The following TRIP12 variants were observed in gnomAD, a reference collection of about 807,000 sequenced individuals.
TRIP12 encodes the protein thyroid hormone receptor interactor 12.
Under a neutral mutation model 244.2 loss-of-function variants are expected in TRIP12, and 25 were observed. The ratio of observed to expected loss-of-function variants is 0.10; its 90% CI spans 0.07 to 0.14. The LOEUF is 0.14. Among genes scored for constraint, TRIP12 ranks in the 10% least tolerant of loss-of-function variants. TRIP12 has a pLI of 1.00. For missense variants in TRIP12, 1,677 were observed against 2,486.4 expected, an observed-to-expected ratio of 0.67 and a Z score of 6.92; for synonymous variants, 905 against 873.1, an observed-to-expected ratio of 1.04 and a Z score of -0.64.
chr2:229,811,357 G>A (rs959827989), intron 13 of TRIP12, among the ~76,000 whole-genome samples, 153 bp from the exon 14 acceptor site: 2 of 151,742 alleles, frequency 1.3e-5, no homozygotes, highest in African/African-American at 2.4e-5. Flanking sequence ...CCTAAGCAAG[G>A]TACAGTCAGT....
intron 34 of TRIP12, among the ~76,000 whole-genome samples, chr2:229,781,844 G>C (rs949632961): frequency 8.5e-5 from 13 of 152,136 alleles, no homozygotes; most frequent in African/African-American, 3.1e-4. Flanking sequence ...TAGGGGTGGA[G>C]GTACTTTCCC....
intron 2 of TRIP12, among the ~76,000 whole-genome samples, chr2:229,871,500 A>C (rs1006851322): frequency 5.3e-5 from 8 of 152,048 alleles, no homozygotes; most frequent in African/African-American, 1.9e-4. Context: ...GGTTGTTTAC[A>C]AGTGTGTGCC....
intron 34 of TRIP12, among the ~76,000 whole-genome samples, chr2:229,784,079 C>T (rs1012343421): frequency 1.5e-4 from 22 of 143,626 alleles, no homozygotes; most frequent in African/African-American, 5.3e-4. Context: ...CATTGCACTC[C>T]AGCCTGGGCA....
intron 9 of TRIP12, among the ~76,000 whole-genome samples, chr2:229,818,045 C>T (rs1005714576): frequency 1.3e-5 from 2 of 151,960 alleles, no homozygotes; most frequent in Non-Finnish European, 2.9e-5. Context: ...CGTGGATCAC[C>T]AGGCTAAAAG....
Position 229,913,978 on chromosome 2 carries a change from G to A in TRIP12, c.-50+7902C>T, listed in dbSNP as rs552573184. Among the ~76,000 whole-genome samples the A allele has an allele frequency of 3.3e-5, 5 of 152,226 alleles. No individual in the cohort carries two copies. The South Asian group carries it at 8.3e-4, about 25-fold the overall frequency. On this transcript the variant is annotated intron_variant, in intron 1 of 41. Transcript: ENST00000675903. Reference sequence around the variant, plus strand: ...TAAGTGTAAGTATATATATTTCTAAGAGATACAGGCCAGGCGCGGTGGCTC... The same window carrying A: ...TAAGTGTAAGTATATATATTTCTAAAAGATACAGGCCAGGCGCGGTGGCTC...
intron 4 of TRIP12, among the ~76,000 whole-genome samples, chr2:229,846,436 A>G (rs1166634417): frequency 6.6e-6 from 1 of 152,214 alleles, no homozygotes. Flanking sequence ...TAGCAATAAA[A>G]TATTTTTAAC....
intron 4 of TRIP12, among the ~76,000 whole-genome samples, chr2:229,856,751 T>A (rs1576137313): frequency 6.6e-6 from 1 of 152,344 alleles, no homozygotes; most frequent in African/African-American, 2.4e-5. Flanking sequence ...GTAACTCCAA[T>A]TATCAATAAA....
At chr2:229,771,425 T>C (rs1317920688) in intron 39 of TRIP12, 94 bp downstream of exon 39, 6 of 1,072,462 alleles carry the variant, frequency 5.6e-6, no homozygotes, top group Non-Finnish European at 8.1e-6. Context: ...ATTTTTTTGT[T>C]TTTGTGCAAC....
intron 8 of TRIP12, among the ~76,000 whole-genome samples, chr2:229,828,878 A>G (rs893384661): frequency 5.9e-5 from 9 of 152,198 alleles, no homozygotes; most frequent in Non-Finnish European, 1.3e-4. Context: ...TTATCCTCTC[A>G]CCTTGACAAA....
At chr2:229,783,165 A>T (rs1001886546) in intron 34 of TRIP12, among the ~76,000 whole-genome samples, 2 of 152,238 alleles carry the variant, frequency 1.3e-5, no homozygotes, top group Admixed American at 6.5e-5. Context: ...ACTTGTATCA[A>T]TTTTAAGCGA....
intron 25 of TRIP12, among the ~76,000 whole-genome samples, chr2:229,795,850 A>G (rs760793823): frequency 2.6e-4 from 40 of 152,218 alleles, no homozygotes; most frequent in Non-Finnish European, 5.1e-4. Context: ...AATCTCCAAT[A>G]AATACTAACT....
intron 2 of TRIP12, among the ~76,000 whole-genome samples, chr2:229,869,822 A>G (rs2062213904): frequency 1.3e-5 from 2 of 152,350 alleles, no homozygotes; most frequent in South Asian, 4.1e-4. Flanking sequence ...ACACAACTTT[A>G]AAGAACTACT....
chr2:229,790,542 G>A (rs571379548), intron 30 of TRIP12, among the ~76,000 whole-genome samples: 4 of 86,462 alleles, frequency 4.6e-5, no homozygotes, highest in South Asian at 4.0e-4. Context: ...GCAGGGGGAG[G>A]GGGGGGTGTC....
At chr2:229,830,129 A>G (rs2052936450) in intron 7 of TRIP12, among the ~76,000 whole-genome samples, 1 of 152,216 alleles carries the variant, frequency 6.6e-6, no homozygotes. Context: ...CCATCCATAC[A>G]TAGTATTAGG....
At chr2:229,882,239 A>G (rs1035399917) in intron 1 of TRIP12, among the ~76,000 whole-genome samples, 2 of 152,242 alleles carry the variant, frequency 1.3e-5, no homozygotes, top group African/African-American at 2.4e-5. Context: ...TTATTACTAT[A>G]AACATTTATT....
intron 8 of TRIP12, among the ~76,000 whole-genome samples, chr2:229,821,219 G>A (rs2049971243): frequency 6.6e-6 from 1 of 152,146 alleles, no homozygotes; most frequent in African/African-American, 2.4e-5. Context: ...CTGCTTTGAT[G>A]CTTAAGATCC....
chr2:229,877,031 G>A (rs2063724122), intron 2 of TRIP12, among the ~76,000 whole-genome samples: 1 of 151,658 alleles, frequency 6.6e-6, no homozygotes, highest in Non-Finnish European at 1.5e-5. Context: ...TACTAGGTTG[G>A]TGCAAAAGTA....
In TRIP12 at chr2:229,810,992, C is replaced by T; in HGVS notation, c.2109G>A (p.Leu703=). Residue 703 remains leucine, a synonymous_variant, in exon 15 of 42, where the codon CTG becomes CTA. Transcript: ENST00000675903. ...SKDLLTNVQQ[L]LVVTPPILSS... ...TTAAAATGGGTGGAGTCACTACCAA[C>T]AGCTGTTGAACATTTGTAAGCAGAT... is the stretch of plus-strand genomic sequence containing the variant. 6.2e-7 allele frequency: 1 copy of T among 1,614,124 alleles called. No individual in the cohort carries two copies. The highest frequency in any genetic ancestry group is 8.5e-7 in the Non-Finnish European group (1 of 1,179,998).
At chr2:229,838,980 T>C (rs537473444) in intron 5 of TRIP12, among the ~76,000 whole-genome samples, 2 of 152,230 alleles carry the variant, frequency 1.3e-5, no homozygotes, top group South Asian at 2.1e-4. Context: ...CTAACCTGAG[T>C]GGGAAAACGT....
Sources: allele counts gnomAD v4.1 joint callset (sites outside exome capture counted in the v4.1 genomes callset), GRCh38; gene constraint gnomAD v4.1.1; transcripts MANE v1.5; gene names NCBI Gene and HGNC (gene_info 2026-07-23, HGNC 2026-07-21).